The following BCL9L variants were observed in gnomAD, a reference collection of about 807,000 sequenced individuals.
The protein encoded by BCL9L is BCL9 like.
BCL9L carries 19 observed loss-of-function variants against 99.4 expected under a neutral mutation model. The ratio of observed to expected loss-of-function variants is 0.19; its 90% CI spans 0.13 to 0.28. The LOEUF (loss-of-function observed/expected upper bound fraction) is 0.28. Ranked by LOEUF, BCL9L falls within the 10% of genes least tolerant of loss-of-function variation. The pLI is 1.00. For missense variants in BCL9L, 2,023 were observed against 2,101.6 expected (o/e 0.96, Z 0.73); for synonymous variants, 900 against 854.8 (o/e 1.05, Z -0.92).
chr11:118,899,037 T>C lies in BCL9L; in HGVS notation c.3878A>G (p.Tyr1293Cys). 6.2e-7 allele frequency: 1 copy of C among 1,613,400 alleles called. No homozygotes were observed. Among genetic ancestry groups the C allele is most frequent in the Non-Finnish European group, 8.5e-7 (1 of 1,179,868 alleles). ...CACCCCAGGGAGCACACCCGGTGGG[T>C]ATGCGTCGCCCATGCGCCCAGCCAT... ...KAMAGRMGDA[Y>C]PPGVLPGVAS... Residue 1293 changes from tyrosine (Y) to cysteine (C), a missense_variant, in exon 10 of 10, where the codon TAC (tyrosine) becomes TGC (cysteine). Tyr to Cys is a radical substitution (Grantham distance 194). Transcript: ENST00000683865.
At position 118,907,580 on chromosome 11, in the gene BCL9L, C is replaced by A; in HGVS notation, c.435G>T (p.Arg145=). The A allele has an allele frequency of 6.2e-7, 1 of 1,613,638 alleles. No homozygotes were observed. Among genetic ancestry groups the A allele is most frequent in the African/African-American group, 1.3e-5 (1 of 75,066 alleles). The change falls in exon 5 of 10, where the codon CGG becomes CGT. Residue 145 remains arginine (R), a synonymous_variant. Transcript: ENST00000683865. ...GCTGCTTCCGCTCCAGCACACAGCGCCGCTTACTCCGCGGCGCCACCTCTG... is the reference window on the plus strand; with the variant it reads ...GCTGCTTCCGCTCCAGCACACAGCGACGCTTACTCCGCGGCGCCACCTCTG... ...EAKEVAPRSK[R]RCVLERKQPY...
At chr11:118,918,489 G>A (rs956478463) in intron 2 of BCL9L, among the ~76,000 whole-genome samples, 13 of 151,582 alleles carry the variant, frequency 8.6e-5, no homozygotes, top group Non-Finnish European at 4.4e-5. Context: ...GAATCTCCTT[G>A]CCTCCCGCAG....
Position 118,898,620 on chromosome 11 carries a change from T to G in BCL9L, c.4295A>C (p.Asn1432Thr), listed in dbSNP as rs530239651. 1 of 1,612,526 alleles carries G rather than the reference T, an allele frequency of 6.2e-7. No homozygotes were observed. Among genetic ancestry groups the G allele is most frequent in the East Asian group, 2.2e-5 (1 of 44,862 alleles). Residue 1432 changes from asparagine (N) to threonine (T), a missense_variant, in exon 10 of 10, where the codon AAT becomes ACT. Physicochemically the swap from Asn to Thr is moderately conservative, Grantham distance 65. Coordinates refer to ENST00000683865, the MANE Select transcript of BCL9L (RefSeq NM_001378213.1). ...SPPQGLMTQQ[N>T]FMLMKQRGVG... ...GCCCCGCTGCTTCATCAGCATGAAA[T>G]TCTGCTGGGTCATGAGGCCTTGTGG...
At position 118,896,495 on chromosome 11, in the gene BCL9L, G is replaced by A. The variant is rs1452456152; in HGVS notation, c.*1920C>T. 1 of 153,052 alleles carries A rather than the reference G, an allele frequency of 6.5e-6. No individual in the cohort carries two copies. The highest frequency in any genetic ancestry group is 1.5e-5 in the Non-Finnish European group (1 of 68,262). 9.5% of individuals were successfully genotyped at this position (153,052 alleles called of 1,614,324 possible). A position where few individuals can be genotyped will look rare whatever the true frequency, so the allele number is the denominator to read the frequency against. On this transcript the variant is annotated 3_prime_UTR_variant, in exon 10 of 10. Coordinates refer to ENST00000683865, the MANE Select transcript of BCL9L (RefSeq NM_001378213.1). ...TGGGCCAGGGGTGGAGGGCTCAAGG[G>A]CACAGGGCCCAGGCTGAGGCAGGGC...
At chr11:118,916,184 C>A (rs1040163564) in intron 2 of BCL9L, among the ~76,000 whole-genome samples, 1 of 152,198 alleles carries the variant, frequency 6.6e-6, no homozygotes, top group African/African-American at 2.4e-5. Context: ...GGTGTCCTCT[C>A]TAGATCCAGA....
intron 3 of BCL9L, among the ~76,000 whole-genome samples, chr11:118,909,371 C>A (rs1194017021): frequency 6.6e-6 from 1 of 152,244 alleles, no homozygotes; most frequent in Non-Finnish European, 1.5e-5. Context: ...GCCGCCTCCC[C>A]CTCCCCGGAG....
Position 118,898,294 on chromosome 11 carries a change from G to GGCCCCCCCCCCCCCCCCCCCCCCC in BCL9L, c.*120_*121insGGGGGGGGGGGGGGGGGGGGGGGC. On this transcript the variant is annotated 3_prime_UTR_variant, in exon 10 of 10. Coordinates refer to ENST00000683865, the MANE Select transcript of BCL9L (RefSeq NM_001378213.1). ...TCCACAAATGCCACTCCCTACACAAGCCCCCTCCCACCCCCTCCACCCCAC... is the reference window on the plus strand; with the variant it reads ...TCCACAAATGCCACTCCCTACACAAGGCCCCCCCCCCCCCCCCCCCCCCCCCCCCTCCCACCCCCTCCACCCCAC... The GGCCCCCCCCCCCCCCCCCCCCCCC allele has an allele frequency of 1.1e-5, 5 of 452,312 alleles. No homozygotes were observed. The highest frequency in any genetic ancestry group is 2.0e-5 in the Non-Finnish European group (5 of 244,762). The allele number at this position is 452,312 out of a possible 1,614,324, so 28.0% of individuals were successfully genotyped here. A position where few individuals can be genotyped will look rare whatever the true frequency, so the allele number is the denominator to read the frequency against.
At chr11:118,912,712 T>A (rs562406109) in intron 2 of BCL9L, among the ~76,000 whole-genome samples, 2 of 152,224 alleles carry the variant, frequency 1.3e-5, no homozygotes, top group South Asian at 4.1e-4. Context: ...GTTGGGAGCC[T>A]CTGCTTGGCT....
At position 118,901,567 on chromosome 11, in the gene BCL9L, G is replaced by C. The variant is rs969886571; in HGVS notation, c.2176C>G (p.Gln726Glu). Reference protein sequence around the residue: ...RQMDPAMFPGQMAGGEGLAGT... With the variant: ...RQMDPAMFPGEMAGGEGLAGT... ...GCCAGGCCCTCACCACCAGCCATCTGCCCGGGAAACATGGCAGGATCCATC... is the reference window on the plus strand; with the variant it reads ...GCCAGGCCCTCACCACCAGCCATCTCCCCGGGAAACATGGCAGGATCCATC... Residue 726 changes from glutamine (Q) to glutamate (E), a missense_variant, in exon 8 of 10, where the codon CAG becomes GAG. Gln to Glu is a conservative substitution (Grantham distance 29). Transcript: ENST00000683865. This position sits in a 1 kb window ranked among gnomAD's most constrained non-coding sequence, Gnocchi z 6.6. 2.5e-6 allele frequency: 4 copies of C among 1,613,994 alleles called. No homozygotes were observed. The Admixed American group carries it at 5.0e-5, about 20-fold the overall frequency.
chr11:118,909,182 G>T (rs1176342668), intron 3 of BCL9L, among the ~76,000 whole-genome samples: 1 of 152,178 alleles, frequency 6.6e-6, no homozygotes, highest in Non-Finnish European at 1.5e-5. Context: ...GCTACCCACT[G>T]GTCCAGACAG....
intron 2 of BCL9L, among the ~76,000 whole-genome samples, chr11:118,915,554 G>A (rs994269203): frequency 6.6e-6 from 1 of 152,108 alleles, no homozygotes; most frequent in African/African-American, 2.4e-5. Flanking sequence ...TGGGCTCACC[G>A]ACACACTCAA....
Position 118,902,182 on chromosome 11 carries a change from G to A in BCL9L, c.1561C>T (p.Arg521Cys), listed in dbSNP as rs773057514. 6.8e-6 allele frequency: 11 copies of A among 1,613,926 alleles called. No homozygotes were observed. Among genetic ancestry groups the A allele is most frequent in the African/African-American group, 1.3e-5 (1 of 74,912 alleles). Residue 521 changes from arginine to cysteine, a missense_variant, in exon 8 of 10, where the codon CGC becomes TGC. This residue lies in a region of BCL9L where 1,116 missense variants were observed against 1,194.6 expected (regional missense o/e 0.93). Transcript: ENST00000683865. The surrounding 1 kb of genome is among the most constrained non-coding windows in gnomAD (Gnocchi z 7.8). ...TCGTAGTACTCCTCCTGCAGCTTGC[G>A]CCAGGCCACCTGCTCAGGCGTGAGG... ...DSLTPEQVAW[R>C]KLQEEYYEEK... is the part of the protein sequence containing the mutation.
intron 3 of BCL9L, 73 bp from the exon 4 acceptor site, chr11:118,908,728 C>A: frequency 7.4e-7 from 1 of 1,357,256 alleles, no homozygotes; most frequent in Non-Finnish European, 1.0e-6. Flanking sequence ...TTAATTACCC[C>A]ATCCTGCCTC....
chr11:118,916,220 C>T (rs1439325518), intron 2 of BCL9L, among the ~76,000 whole-genome samples: 3 of 152,208 alleles, frequency 2.0e-5, no homozygotes, highest in Non-Finnish European at 2.9e-5. Context: ...GAGCCAGGGG[C>T]TCCAGCCCAC....
intron 5 of BCL9L, among the ~76,000 whole-genome samples, chr11:118,907,094 C>T (rs2137716459): frequency 6.6e-6 from 1 of 152,304 alleles, no homozygotes; most frequent in South Asian, 2.1e-4. Flanking sequence ...GGCCAAGTGG[C>T]AACTCACACC....
At position 118,898,055 on chromosome 11, in the gene BCL9L, C is replaced by A. The variant is rs1591971704; in HGVS notation, c.*360G>T. 31 of 437,268 alleles carry A rather than the reference C, an allele frequency of 7.1e-5. 1 individual carries two copies. In the East Asian group the frequency reaches 1.5e-3, roughly 22 times the overall value. The allele number at this position is 437,268 out of a possible 1,614,324, so 27.1% of individuals were successfully genotyped here. A position where few individuals can be genotyped will look rare whatever the true frequency, so the allele number is the denominator to read the frequency against. ...GGGAGACCTGACCTGTCCTTCCTCTCTCCCCCCAGATTCCCATCCAGGACT... is the reference window on the plus strand; with the variant it reads ...GGGAGACCTGACCTGTCCTTCCTCTATCCCCCCAGATTCCCATCCAGGACT... On this transcript the variant is annotated 3_prime_UTR_variant, in exon 10 of 10. Coordinates refer to ENST00000683865, the MANE Select transcript of BCL9L (RefSeq NM_001378213.1).
Position 118,898,990 on chromosome 11 carries a change from C to T in BCL9L, c.3925G>A (p.Glu1309Lys), listed in dbSNP as rs199836573. ...PGVASVLNDP[E>K]LSEVIRPTPT... ...GTGGGCCGGATCACCTCGCTCAGCTCGGGGTCGTTCAGCACTGATGCCACC... is the reference window on the plus strand; with the variant it reads ...GTGGGCCGGATCACCTCGCTCAGCTTGGGGTCGTTCAGCACTGATGCCACC... The change falls in exon 10 of 10, where the codon GAG becomes AAG. Residue 1309 changes from glutamate (E) to lysine (K), a missense_variant. By Grantham distance (56) the Glu-to-Lys change is moderately conservative. Coordinates refer to ENST00000683865, the MANE Select transcript of BCL9L (RefSeq NM_001378213.1). 84 of 1,613,852 alleles carry T rather than the reference C, an allele frequency of 5.2e-5. No individual in the cohort carries two copies. Among genetic ancestry groups the T allele is most frequent in the Admixed American group, 1.7e-4 (10 of 60,008 alleles).
chr11:118,901,104 C>T lies in BCL9L; in HGVS notation c.2639G>A (p.Ser880Asn). ...GCTGAGCCGGGTGGTGCCCACGTTG[C>T]TCATGGGCATTGAGCTCTGATCAGG... is the stretch of plus-strand genomic sequence containing the variant. Reference protein sequence around the residue: ...FSPDQSSMPMSNVGTTRLSHM... With the variant: ...FSPDQSSMPMNNVGTTRLSHM... The change falls in exon 8 of 10, where the codon AGC becomes AAC. Residue 880 changes from serine to asparagine, a missense_variant. Around this residue, in one of 3 missense-constraint regions of BCL9L, gnomAD observed 902 missense variants for 888.2 expected, o/e 1.02. Transcript: ENST00000683865. The surrounding 1 kb of genome is among the most constrained non-coding windows in gnomAD (Gnocchi z 6.6). 1 of 1,609,826 alleles carries T rather than the reference C, an allele frequency of 6.2e-7. No individual in the cohort carries two copies. The highest frequency in any genetic ancestry group is 8.5e-7 in the Non-Finnish European group (1 of 1,177,198).
intron 1 of BCL9L, among the ~76,000 whole-genome samples, chr11:118,920,901 G>A (rs1592004867): frequency 6.6e-6 from 1 of 152,182 alleles, no homozygotes; most frequent in African/African-American, 2.4e-5. Flanking sequence ...GCTGTGGGGA[G>A]ACCTGTGACT....
Sources: gnomAD v4.1 joint callset for allele counts (sites outside exome capture counted in the v4.1 genomes callset) on GRCh38, gnomAD v4.1.1 for gene constraint, gnomAD v4.1.1 regional missense constraint, Gnocchi (gnomAD v3.1) non-coding constraint, MANE v1.5 for transcripts, NCBI Gene and HGNC (gene_info 2026-07-23, HGNC 2026-07-21) for gene names.